The following DNAH11 variants were observed in gnomAD, a reference collection of about 807,000 sequenced individuals.
DNAH11 encodes dynein axonemal heavy chain 11, also known as axonemal beta dynein heavy chain 11.
A neutral mutation model predicts 526.0 loss-of-function variants in DNAH11; 442 were observed. That is an observed-to-expected ratio of 0.84 (90% CI 0.78 to 0.91). The LOEUF is 0.91. DNAH11 is among the 40% of genes least tolerant of loss of function. The pLI is 0.00. For synonymous variants in DNAH11, 2,461 were observed against 1,935.9 expected, an observed-to-expected ratio of 1.27 and a Z score of -7.12; for missense variants, 6,989 against 5,448.7, an observed-to-expected ratio of 1.28 and a Z score of -8.90.
At chr7:21,824,570 C>T (rs900682507) in intron 65 of DNAH11, among the ~76,000 whole-genome samples, 4 of 152,192 alleles carry the variant, frequency 2.6e-5, no homozygotes, top group Admixed American at 1.3e-4. Context: ...GACATTTCTC[C>T]AAAGAACTAC....
chr7:21,792,443 C>T (rs1399211777), intron 61 of DNAH11, among the ~76,000 whole-genome samples: 3 of 152,130 alleles, frequency 2.0e-5, no homozygotes, highest in Non-Finnish European at 4.4e-5. Flanking sequence ...AGTATTCCCT[C>T]TTCAATTTTT....
At position 21,606,658 on chromosome 7, in the gene DNAH11, A is replaced by G; in HGVS notation, c.3777A>G (p.Ala1259=). 6.5e-7 allele frequency: 1 copy of G among 1,535,544 alleles called. No individual in the cohort carries two copies. The highest frequency in any genetic ancestry group is 8.9e-7 in the Non-Finnish European group (1 of 1,126,370). ...KKCILFDAKQ[A]EFRERFRHYA... is the part of the protein sequence containing the mutation. ...TTTGCAATGATCAGGCAAAGCAGGC[A>G]GAGTTCAGAGAGAGATTCAGACACT... Residue 1259 remains alanine, a synonymous_variant, in exon 20 of 82, where the codon GCA becomes GCG. Transcript: ENST00000409508.
chr7:21,731,703 A>T (rs572191533), intron 45 of DNAH11, among the ~76,000 whole-genome samples: 16 of 152,328 alleles, frequency 1.1e-4, no homozygotes, highest in African/African-American at 3.6e-4. Context: ...GAATATTCCA[A>T]AGATAAGCAA....
intron 2 of DNAH11, among the ~76,000 whole-genome samples, chr7:21,549,055 T>C (rs974719727): frequency 6.6e-6 from 1 of 152,088 alleles, no homozygotes; most frequent in African/African-American, 2.4e-5. Flanking sequence ...TTTTTTGTAT[T>C]TTTAGTAGAG....
chr7:21,577,881 G>C (rs1784160368), intron 8 of DNAH11, among the ~76,000 whole-genome samples: 1 of 152,096 alleles, frequency 6.6e-6, no homozygotes, highest in African/African-American at 2.4e-5. Flanking sequence ...AGAGATTTTG[G>C]AATTACTTGA....
intron 65 of DNAH11, among the ~76,000 whole-genome samples, chr7:21,835,248 G>T: frequency 6.7e-6 from 1 of 148,876 alleles, no homozygotes; most frequent in Non-Finnish European, 1.5e-5. Flanking sequence ...AAAACAGAGG[G>T]AGTTCTTCCA....
chr7:21,616,330 T>C (rs1468856637), intron 22 of DNAH11, 38 bp downstream of exon 22: 2 of 1,509,828 alleles, frequency 1.3e-6, no homozygotes, highest in Middle Eastern at 1.7e-4. Flanking sequence ...AATTTATCTT[T>C]CTCAGCACCA....
intron 2 of DNAH11, among the ~76,000 whole-genome samples, chr7:21,550,803 G>A (rs1782994140): frequency 6.6e-6 from 1 of 152,128 alleles, no homozygotes; most frequent in Admixed American, 6.5e-5. Context: ...GGTGGCTATG[G>A]AAGGGGAAAG....
intron 49 of DNAH11, among the ~76,000 whole-genome samples, chr7:21,743,880 TC>T (rs1786030014): frequency 6.6e-6 from 1 of 152,160 alleles, no homozygotes; most frequent in Admixed American, 6.5e-5. Flanking sequence ...CTCCTGTGCA[TC>T]CAGAGTAAGC....
At chr7:21,818,648 A>C (rs1789920909) in intron 65 of DNAH11, among the ~76,000 whole-genome samples, 1 of 152,198 alleles carries the variant, frequency 6.6e-6, no homozygotes, top group South Asian at 2.1e-4. Flanking sequence ...AGTAATTTGC[A>C]GAACACCTTG....
At chr7:21,700,975 G>T (rs564053193) in intron 36 of DNAH11, among the ~76,000 whole-genome samples, 1 of 152,260 alleles carries the variant, frequency 6.6e-6, no homozygotes, top group East Asian at 1.9e-4. Context: ...GAGGGCTAGG[G>T]GAGGGATAGC....
intron 2 of DNAH11, among the ~76,000 whole-genome samples, chr7:21,547,388 CTT>C (rs1782844714): frequency 6.6e-6 from 1 of 152,188 alleles, no homozygotes; most frequent in South Asian, 2.1e-4. Context: ...AGAAGCAAGA[CTT>C]TTAATGGCAG....
intron 25 of DNAH11, among the ~76,000 whole-genome samples, chr7:21,634,496 A>C (rs992721052): frequency 6.6e-6 from 1 of 152,204 alleles, no homozygotes; most frequent in Non-Finnish European, 1.5e-5. Context: ...GTAGAGAAAA[A>C]TGAGCAGTAG....
intron 34 of DNAH11, among the ~76,000 whole-genome samples, chr7:21,689,700 C>T (rs1783528874): frequency 1.3e-5 from 2 of 152,086 alleles, no homozygotes; most frequent in African/African-American, 4.8e-5. Context: ...TATACAAAAT[C>T]CACCTGCTCC....
chr7:21,662,178 G>T (rs1315410318), intron 30 of DNAH11, among the ~76,000 whole-genome samples: 1 of 152,114 alleles, frequency 6.6e-6, no homozygotes, highest in African/African-American at 2.4e-5. Context: ...GGCTATTGCT[G>T]CTGTTGTTAA....
At chr7:21,855,165 G>A (rs1583777148) in intron 68 of DNAH11, among the ~76,000 whole-genome samples, 1 of 151,680 alleles carries the variant, frequency 6.6e-6, no homozygotes, top group East Asian at 2.0e-4. Context: ...CTGAGTAGCT[G>A]GGACTACAGG....
At chr7:21,771,869 T>C (rs528930737) in intron 55 of DNAH11, among the ~76,000 whole-genome samples, 3 of 151,338 alleles carry the variant, frequency 2.0e-5, no homozygotes, top group East Asian at 3.9e-4. Context: ...AATAATAAAA[T>C]AAAATAACTG....
chr7:21,795,666 A>G (rs1201547836), intron 61 of DNAH11, among the ~76,000 whole-genome samples: 5 of 152,244 alleles, frequency 3.3e-5, no homozygotes, highest in Non-Finnish European at 5.9e-5. Context: ...CAATCAACGA[A>G]CGTTTTGTAA....
chr7:21,665,202 C>T (rs909901999), intron 30 of DNAH11, among the ~76,000 whole-genome samples: 1 of 151,792 alleles, frequency 6.6e-6, no homozygotes, highest in Non-Finnish European at 1.5e-5. Flanking sequence ...TGGCTATGTA[C>T]TTTGTATTTA....
Sources: gnomAD v4.1 joint callset for allele counts (sites outside exome capture counted in the v4.1 genomes callset) on GRCh38, gnomAD v4.1.1 for gene constraint, MANE v1.5 for transcripts, NCBI Gene and HGNC (gene_info 2026-07-23, HGNC 2026-07-21) for gene names.